HACL2: variants seen among roughly 807,000 people sequenced by gnomAD.
The protein encoded by HACL2 is 2-hydroxyacyl-CoA lyase 1 like.
chr19:15,123,408 C>A, the HACL2 span: 1 of 1,614,084 alleles, frequency 6.2e-7, no homozygotes, highest in Non-Finnish European at 8.5e-7. This position sits in a 1 kb window ranked among gnomAD's most constrained non-coding sequence, Gnocchi z 5.1. Context: ...GCAGCAAAGA[C>A]GGCCGTGACC....
chr19:15,118,451 C>T, the HACL2 span, among the ~76,000 whole-genome samples: 1 of 152,158 alleles, frequency 6.6e-6, no homozygotes, highest in African/African-American at 2.4e-5. Flanking sequence ...TCTGACTACC[C>T]TGAGGCCATC....
the HACL2 span, among the ~76,000 whole-genome samples, chr19:15,121,496 G>A: frequency 6.6e-6 from 1 of 152,110 alleles, no homozygotes; most frequent in Non-Finnish European, 1.5e-5. Context: ...AGGAAGAGGA[G>A]GAGGAGAAGA....
chr19:15,123,597 A>T, the HACL2 span: 1 of 1,601,482 alleles, frequency 6.2e-7, no homozygotes, highest in Non-Finnish European at 8.5e-7. This position sits in a 1 kb window ranked among gnomAD's most constrained non-coding sequence, Gnocchi z 5.1. Context: ...GGACAGGTGG[A>T]GCAATAAAGT....
the HACL2 span, chr19:15,117,721 T>C: frequency 4.6e-6 from 3 of 656,952 alleles, no homozygotes; most frequent in Admixed American, 5.6e-5. Flanking sequence ...GAAGCATTCA[T>C]CAGTTTGAGA....
At chr19:15,121,769 G>A in the HACL2 span, among the ~76,000 whole-genome samples, 54 of 146,398 alleles carry the variant, frequency 3.7e-4, no homozygotes, top group Non-Finnish European at 6.8e-4. Flanking sequence ...CCGAGATCAC[G>A]CCACTGCACT....
At chr19:15,123,254 G>C in the HACL2 span, 1 of 1,613,330 alleles carries the variant, frequency 6.2e-7, no homozygotes, top group Non-Finnish European at 8.5e-7. The surrounding 1 kb of genome is among the most constrained non-coding windows in gnomAD (Gnocchi z 5.1). Context: ...CTGGAACACA[G>C]AGCCCATCAC....
At chr19:15,120,382 C>G in the HACL2 span, among the ~76,000 whole-genome samples, 3 of 152,352 alleles carry the variant, frequency 2.0e-5, no homozygotes, top group South Asian at 6.2e-4. Context: ...CAAGTCCTGG[C>G]TCTGTCACTT....
the HACL2 span, chr19:15,125,357 C>T: frequency 2.3e-6 from 1 of 441,176 alleles, no homozygotes; most frequent in Admixed American, 4.2e-5. Flanking sequence ...GACGACAGCA[C>T]CACACAGTTA....
At chr19:15,115,396 C>T in the HACL2 span, 2 of 1,613,978 alleles carry the variant, frequency 1.2e-6, no homozygotes, top group South Asian at 2.2e-5. Context: ...GCAGCAAGCC[C>T]CGGGCCCCCA....
the HACL2 span, chr19:15,117,881 C>T: frequency 1.2e-6 from 2 of 1,613,940 alleles, no homozygotes; most frequent in Admixed American, 1.7e-5. Context: ...AGGGGCTCAC[C>T]CTGCACAGCC....
the HACL2 span, among the ~76,000 whole-genome samples, chr19:15,121,331 G>A: frequency 8.0e-4 from 122 of 152,246 alleles, no homozygotes; most frequent in African/African-American, 2.6e-3. Flanking sequence ...ACACACATCC[G>A]GAGTACAGGA....
chr19:15,125,038 C>G, the HACL2 span: 2 of 1,558,146 alleles, frequency 1.3e-6, no homozygotes, highest in African/African-American at 2.7e-5. Flanking sequence ...CCAGCGGGGG[C>G]GGCGGCCGCG....
the HACL2 span, among the ~76,000 whole-genome samples, chr19:15,118,577 T>C: frequency 6.6e-6 from 1 of 152,036 alleles, no homozygotes; most frequent in South Asian, 2.1e-4. Flanking sequence ...CTCCAGATGA[T>C]TCAGGACCCC....
chr19:15,123,349 C>A, the HACL2 span: 9 of 1,609,846 alleles, frequency 5.6e-6, no homozygotes, highest in Non-Finnish European at 7.6e-6. The surrounding 1 kb of genome is among the most constrained non-coding windows in gnomAD (Gnocchi z 5.1). Flanking sequence ...CCAACCAGTC[C>A]CCAGCCCTCT....
chr19:15,119,017 C>T, the HACL2 span: 44 of 729,732 alleles, frequency 6.0e-5, no homozygotes, highest in African/African-American at 5.2e-4. Context: ...ACCTATTATG[C>T]GTCTGGTTGG....
chr19:15,119,113 C>T, the HACL2 span: 1 of 1,505,546 alleles, frequency 6.6e-7, no homozygotes, highest in Admixed American at 2.3e-5. Flanking sequence ...AGCTGGGTAA[C>T]AGGGTGAGGG....
chr19:15,119,287 G>T, the HACL2 span: 1 of 1,606,178 alleles, frequency 6.2e-7, no homozygotes, highest in Non-Finnish European at 8.5e-7. Context: ...GAACACCCAA[G>T]GTCTCCACGG....
the HACL2 span, chr19:15,125,142 C>T: frequency 1.4e-6 from 2 of 1,386,982 alleles, no homozygotes; most frequent in Non-Finnish European, 1.9e-6. Context: ...CGCCCCTTCT[C>T]GCAGCAGGAT....
chr19:15,124,895 C>G, the HACL2 span: 1 of 1,582,458 alleles, frequency 6.3e-7, no homozygotes, highest in Non-Finnish European at 8.6e-7. Flanking sequence ...TTGACTGCCC[C>G]CAGCCCACCT....
Sources: gnomAD v4.1 joint callset for allele counts (sites outside exome capture counted in the v4.1 genomes callset) on GRCh38, gnomAD v4.1.1 for gene constraint, Gnocchi (gnomAD v3.1) non-coding constraint, MANE v1.5 for transcripts, NCBI Gene and HGNC (gene_info 2026-07-23, HGNC 2026-07-21) for gene names.